KARS1: variants seen among roughly 807,000 people sequenced by gnomAD.
KARS1 encodes the protein lysyl-tRNA synthetase 1, also known as lysine--tRNA ligase.
KARS1 carries 50 observed loss-of-function variants against 63.9 expected under a neutral mutation model. The ratio of observed to expected loss-of-function variants is 0.78; its 90% CI spans 0.62 to 0.99. The LOEUF (loss-of-function observed/expected upper bound fraction) is 0.99. Among genes scored for constraint, KARS1 ranks in the 50% least tolerant of loss-of-function variants. The pLI, the probability that KARS1 is intolerant of heterozygous loss-of-function variation, is 0.00. For missense variants in KARS1, 816 were observed against 754.5 expected (o/e 1.08, Z -0.95); for synonymous variants, 320 against 264.6 (o/e 1.21, Z -2.03).
chr16:75,628,020 A>T (rs371823244), intron 13 of KARS1, 27 bp from the exon 14 acceptor site: 1 of 1,322,610 alleles, frequency 7.6e-7, no homozygotes, highest in African/African-American at 1.4e-5. Context: ...TGTACCTTGA[A>T]GCTGAGAAGC....
rs1438011888 is a variant in KARS1 at position 75,640,170 on chromosome 16, G to A, written c.388+14C>T. 2 of 1,612,392 alleles carry A rather than the reference G, an allele frequency of 1.2e-6. No individual in the cohort carries two copies. The highest frequency in any genetic ancestry group is 2.7e-5 in the African/African-American group (2 of 74,876). ...GCTGTGGGAGTTCAGTGATTTGCCA[G>A]GGAGAGTTCCTACCTGCCACCTTTA... is the stretch of plus-strand genomic sequence containing the variant. On this transcript the variant is annotated intron_variant, in intron 3 of 13. Coordinates refer to ENST00000302445, the MANE Select transcript of KARS1 (RefSeq NM_005548.3).
intron 6 of KARS1, 136 bp downstream of exon 6, chr16:75,635,544 T>C (rs1489292967): frequency 4.0e-6 from 4 of 1,002,564 alleles, no homozygotes; most frequent in Non-Finnish European, 6.1e-6. Flanking sequence ...ACAGAGACGA[T>C]GGCAAGAAAA....
intron 1 of KARS1, chr16:75,642,829 T>C (rs2082240087): frequency 1.3e-5 from 2 of 152,220 alleles, no homozygotes; most frequent in South Asian, 4.1e-4. Flanking sequence ...GTGAATTAAC[T>C]TCTCACCTGT....
At position 75,641,493 on chromosome 16, in the gene KARS1, C is replaced by T. The variant is rs149131958; in HGVS notation, c.222+71G>A. ...ACTGGTCCCTCCTACTGTCCAGTCCCAAAGAATCTGCCAGAAGCCTCATCA... is the reference window on the plus strand; with the variant it reads ...ACTGGTCCCTCCTACTGTCCAGTCCTAAAGAATCTGCCAGAAGCCTCATCA... On this transcript the variant is annotated intron_variant, in intron 2 of 13. Coordinates refer to ENST00000302445, the MANE Select transcript of KARS1 (RefSeq NM_005548.3). The T allele has an allele frequency of 8.4e-4, 1,178 of 1,408,016 alleles. 10 individuals carry two copies. In the African/African-American group the frequency reaches 0.014, roughly 17 times the overall value. 87.2% of individuals were successfully genotyped at this position (1,408,016 alleles called of 1,614,324 possible).
Position 75,635,981 on chromosome 16 carries a change from C to G in KARS1, c.600G>C (p.Pro200=), listed in dbSNP as rs143003475. The G allele has an allele frequency of 5.6e-6, 9 of 1,614,014 alleles. No individual in the cohort carries two copies. Among genetic ancestry groups the G allele is most frequent in the Non-Finnish European group, 6.8e-6 (8 of 1,179,984 alleles). ...AGGGAGACAGCAGTGTGATCTCATA[C>G]GGAATGATGCTCAGCTCACCCTTCT... ...KTKKGELSII[P]YEITLLSPCL... is the part of the protein sequence containing the mutation. Residue 200 remains proline, a synonymous_variant, in exon 5 of 14, where the codon CCG becomes CCC. Transcript: ENST00000302445.
intron 7 of KARS1, among the ~76,000 whole-genome samples, chr16:75,633,593 C>CT (rs1409596700): frequency 6.7e-6 from 1 of 150,358 alleles, no homozygotes; most frequent in African/African-American, 2.4e-5. Context: ...TCTCGGCTCA[C>CT]TGCAACCTCC....
rs558970211 is a variant in KARS1, at chr16:75,641,115, G to T, written c.222+449C>A. On this transcript the variant is annotated intron_variant, in intron 2 of 13. Transcript: ENST00000302445. ...ACCGGGGAGGCGGAGGTTGCAGTGA[G>T]ATCACACCACTGCACTCCAGCCTGG... Among the ~76,000 whole-genome samples, 9 of 152,218 alleles carry T rather than the reference G, an allele frequency of 5.9e-5. No homozygotes were observed. The East Asian group carries it at 1.5e-3, about 26-fold the overall frequency.
In KARS1 at chr16:75,629,439, C is replaced by T. The variant is rs1327117158; in HGVS notation, c.1527G>A (p.Arg509=). ...CCTTGGCCTGTTCTTCAAAAAGCTG[C>T]CGCTGCCGCATGGGATCATTCAGCT... ...YTELNDPMRQ[R]QLFEEQAKAK... Residue 509 remains arginine (R), a synonymous_variant, in exon 12 of 14, where the codon CGG becomes CGA. Transcript: ENST00000302445. 2 of 1,614,100 alleles carry T rather than the reference C, an allele frequency of 1.2e-6. No homozygotes were observed. The highest frequency in any genetic ancestry group is 2.2e-5 in the South Asian group (2 of 91,086).
At position 75,627,929 on chromosome 16, in the gene KARS1, G is replaced by GT. The variant is rs1567497051; in HGVS notation, c.1759dup (p.Thr587AsnfsTer64). 1.9e-6 allele frequency: 3 copies of GT among 1,609,250 alleles called. No individual in the cohort carries two copies. Among genetic ancestry groups the GT allele is most frequent in the Non-Finnish European group, 1.7e-6 (2 of 1,175,616 alleles). Reference sequence around the variant, plus strand: ...AGTGCCAACTGTTGTGCTTTCCAGTGTATCAGTGGTTGCTACATTCTCCTT... The same window carrying GT: ...AGTGCCAACTGTTGTGCTTTCCAGTGTTATCAGTGGTTGCTACATTCTCCTT... On this transcript the variant is annotated frameshift_variant, in exon 14 of 14. Transcript: ENST00000302445. LOFTEE classifies it high-confidence loss of function.
intron 10 of KARS1, 141 bp downstream of exon 10, chr16:75,631,027 G>A: frequency 1.4e-6 from 1 of 710,136 alleles, no homozygotes; most frequent in South Asian, 1.5e-5. Flanking sequence ...TTAAAAGTCT[G>A]TTAATTCTCT....
At chr16:75,629,338 C>T (rs1388809201) in intron 12 of KARS1, 77 bp downstream of exon 12, 35 of 1,576,292 alleles carry the variant, frequency 2.2e-5, no homozygotes, top group African/African-American at 6.7e-5. Context: ...AGAACGTATA[C>T]GCTGACACAG....
At chr16:75,637,779 CA>C (rs72500765) in intron 3 of KARS1, among the ~76,000 whole-genome samples, 5,468 of 91,168 alleles carry the variant, frequency 0.06, 360 homozygotes, top group African/African-American at 0.21. Context: ...AACTCAGTCT[CA>C]AAAAAAAAAA....
chr16:75,632,850 T>C (rs920901008), intron 7 of KARS1, among the ~76,000 whole-genome samples: 5 of 152,264 alleles, frequency 3.3e-5, no homozygotes, highest in Non-Finnish European at 7.4e-5. Context: ...CACAAACCTT[T>C]TGGAAGGCCG....
In KARS1 at chr16:75,635,793, G is replaced by T; in HGVS notation, c.682C>A (p.Arg228Ser). ...AGGATCAAGTCCAAGTATCTCTGGC[G>T]ATACCTTGTTTCCTAAACCAAAAGC... ...FGLKDKETRY[R>S]QRYLDLILND... Residue 228 changes from arginine to serine, a missense_variant, in exon 6 of 14, where the codon CGC becomes AGC. By Grantham distance (110) the Arg-to-Ser change is moderately radical. Transcript: ENST00000302445. 1 of 1,614,188 alleles carries T rather than the reference G, an allele frequency of 6.2e-7. No homozygotes were observed. Among genetic ancestry groups the T allele is most frequent in the Non-Finnish European group, 8.5e-7 (1 of 1,180,028 alleles).
Position 75,629,536 on chromosome 16 carries a change from C to CGGTG in KARS1, c.1426_1429dup (p.Arg477ProfsTer4). ...GCGCTCAGTCAGACCCTCTTTAGAG[C>CGGTG]GGTGCCTAGGGACAGGAGACCAAAG... On this transcript the variant is annotated frameshift_variant, in exon 12 of 14. Transcript: ENST00000302445. LOFTEE classifies it high-confidence loss of function. The CGGTG allele has an allele frequency of 6.2e-7, 1 of 1,613,938 alleles. No individual in the cohort carries two copies. Among genetic ancestry groups the CGGTG allele is most frequent in the Non-Finnish European group, 8.5e-7 (1 of 1,179,868 alleles).
At chr16:75,630,230 T>C (rs564939188) in intron 11 of KARS1, among the ~76,000 whole-genome samples, 193 bp downstream of exon 11, 2 of 152,308 alleles carry the variant, frequency 1.3e-5, no homozygotes, top group East Asian at 1.9e-4. Context: ...TAAGATCGTA[T>C]GTGGAGTGAC....
In KARS1 at chr16:75,634,254, G is replaced by A. The variant is rs371292797; in HGVS notation, c.834C>T (p.Ala278=). 9.9e-6 allele frequency: 16 copies of A among 1,613,832 alleles called. No homozygotes were observed. The highest frequency in any genetic ancestry group is 2.2e-5 in the East Asian group (1 of 44,898). ...TPMMNIIPGG[A]VAKPFITYHN... ...GATAAGTGATGAAAGGCTTGGCCAC[G>A]GCTCCCCCTGGGATGATGTTCATCA... The change falls in exon 7 of 14, where the codon GCC becomes GCT. Residue 278 remains alanine (A), a synonymous_variant. Transcript: ENST00000302445.
Position 75,636,436 on chromosome 16 carries a change from C to A in KARS1, c.482+18G>T. 1 of 1,514,574 alleles carries A rather than the reference C, an allele frequency of 6.6e-7. No homozygotes were observed. The highest frequency in any genetic ancestry group is 9.2e-7 in the Non-Finnish European group (1 of 1,089,280). 93.8% of individuals were successfully genotyped at this position (1,514,574 alleles called of 1,614,324 possible). On this transcript the variant is annotated intron_variant, in intron 4 of 13. Coordinates refer to ENST00000302445, the MANE Select transcript of KARS1 (RefSeq NM_005548.3). ...TAGGCCAACCAAGAAAGGTCTATAA[C>A]TGGGTATTTCGAGATACCTGGAATT... is the stretch of plus-strand genomic sequence containing the variant.
chr16:75,630,397 G>T, intron 11 of KARS1, 26 bp downstream of exon 11: 1 of 1,397,324 alleles, frequency 7.2e-7, no homozygotes, highest in Non-Finnish European at 1.0e-6. Context: ...GGGCTGTTAT[G>T]CAGCAATAGG....
Sources: gnomAD v4.1 joint callset for allele counts (sites outside exome capture counted in the v4.1 genomes callset) on GRCh38, gnomAD v4.1.1 for gene constraint, MANE v1.5 for transcripts, NCBI Gene and HGNC (gene_info 2026-07-23, HGNC 2026-07-21) for gene names.